Variants in KCTD5 observed in about 807,000 individuals in gnomAD.
KCTD5 encodes potassium channel tetramerization domain containing 5.
In KCTD5, 12 loss-of-function variants were observed where a neutral mutation model predicts 27.9. That is an observed-to-expected ratio of 0.43 (90% confidence interval 0.28 to 0.70). KCTD5 has a LOEUF of 0.70. Ranked by LOEUF, KCTD5 falls within the 30% of genes least tolerant of loss-of-function variation. The pLI is 0.19. For synonymous variants in KCTD5, 147 were observed against 121.4 expected (o/e 1.21, Z -1.39); for missense variants, 226 against 274.8 (o/e 0.82, Z 1.26).
chr16:2,697,811 TGCAGGG>T, intron 2 of KCTD5, 89 bp from the exon 3 acceptor site: 1 of 871,462 alleles, frequency 1.1e-6, no homozygotes, highest in Non-Finnish European at 1.9e-6. Flanking sequence ...GGGCCCTCAT[TGCAGGG>T]GCAGGGGCAA....
In KCTD5 at chr16:2,702,445, C is replaced by A. The variant is rs755043258; in HGVS notation, c.642C>A (p.Tyr214Ter). ...VVSKELHNTP[Y>*]GTASEPSEKA... is the part of the protein sequence containing the mutation. Reference sequence around the variant, plus strand: ...CCAAGGAGCTGCACAACACCCCGTACGGTACGGCCAGCGAGCCCAGCGAGA... The same window carrying A: ...CCAAGGAGCTGCACAACACCCCGTAAGGTACGGCCAGCGAGCCCAGCGAGA... The change falls in exon 5 of 6, where the codon TAC becomes TAA. Residue 214 changes from tyrosine (Y) to a stop codon, truncating the protein, a stop_gained. Transcript: ENST00000301738. LOFTEE classifies it high-confidence loss of function. The A allele has an allele frequency of 6.2e-7, 1 of 1,613,300 alleles. No homozygotes were observed. Among genetic ancestry groups the A allele is most frequent in the South Asian group, 1.1e-5 (1 of 91,084 alleles).
At chr16:2,703,887 G>A (rs2067623354) in intron 5 of KCTD5, among the ~76,000 whole-genome samples, 1 of 152,190 alleles carries the variant, frequency 6.6e-6, no homozygotes, top group African/African-American at 2.4e-5. Context: ...GCGACCCCTG[G>A]CTCCCTGAGA....
chr16:2,689,759 C>T (rs1011779374), intron 1 of KCTD5, among the ~76,000 whole-genome samples: 2 of 151,772 alleles, frequency 1.3e-5, no homozygotes, highest in African/African-American at 4.8e-5. Context: ...CTCACTGCAA[C>T]GGGGCTGTCA....
At chr16:2,692,131 T>C (rs939281868) in intron 1 of KCTD5, among the ~76,000 whole-genome samples, 5 of 152,150 alleles carry the variant, frequency 3.3e-5, no homozygotes, top group South Asian at 2.1e-4. Context: ...GTGCCATGGC[T>C]CCGGCTGGTA....
chr16:2,682,848 G>T (rs1203364124), intron 1 of KCTD5, 48 bp downstream of exon 1: 1 of 1,532,460 alleles, frequency 6.5e-7, no homozygotes, highest in Non-Finnish European at 8.7e-7. Flanking sequence ...TTCCCGGCCT[G>T]CGGCTCCTGC....
intron 1 of KCTD5, among the ~76,000 whole-genome samples, chr16:2,691,842 C>T (rs1407921327): frequency 1.3e-5 from 2 of 152,214 alleles, no homozygotes; most frequent in African/African-American, 2.4e-5. Context: ...CGTGGGGTCC[C>T]CCGCGGTGCC....
intron 5 of KCTD5, among the ~76,000 whole-genome samples, chr16:2,703,457 G>T (rs1422919023): frequency 6.6e-6 from 1 of 152,168 alleles, no homozygotes; most frequent in Non-Finnish European, 1.5e-5. Context: ...GCCAGAACCG[G>T]AAGGCTTTTA....
At chr16:2,702,221 C>T in intron 4 of KCTD5, 132 bp from the exon 5 acceptor site, 2 of 1,160,620 alleles carry the variant, frequency 1.7e-6, no homozygotes, top group South Asian at 1.4e-5. Flanking sequence ...TGTTTTCCAT[C>T]CATTTCCTGA....
intron 4 of KCTD5, among the ~76,000 whole-genome samples, chr16:2,701,563 A>G (rs2067612201): frequency 6.6e-6 from 1 of 152,142 alleles, no homozygotes; most frequent in African/African-American, 2.4e-5. Context: ...ACTGCTGCCC[A>G]CTGGGTCAGC....
intron 1 of KCTD5, among the ~76,000 whole-genome samples, chr16:2,689,660 A>G (rs1449831122): frequency 1.3e-5 from 2 of 148,762 alleles, no homozygotes; most frequent in African/African-American, 4.9e-5. Flanking sequence ...CTCCACCCTC[A>G]TTCCTCACTG....
chr16:2,703,124 C>T (rs772787825), intron 5 of KCTD5, among the ~76,000 whole-genome samples: 1 of 152,180 alleles, frequency 6.6e-6, no homozygotes. Flanking sequence ...ATGCAGGGAC[C>T]CCTGCCTCGT....
intron 1 of KCTD5, 118 bp downstream of exon 1, chr16:2,682,918 C>G: frequency 8.0e-7 from 1 of 1,254,328 alleles, no homozygotes; most frequent in Non-Finnish European, 1.0e-6. Flanking sequence ...CCTCGGGCTT[C>G]GAGCCCCGCG....
At chr16:2,704,589 G>C (rs562321939) in intron 5 of KCTD5, among the ~76,000 whole-genome samples, 1 of 152,368 alleles carries the variant, frequency 6.6e-6, no homozygotes, top group South Asian at 2.1e-4. Flanking sequence ...AGAGAGACAG[G>C]CTCAGATCAG....
chr16:2,687,962 A>ATC (rs906149867), intron 1 of KCTD5, among the ~76,000 whole-genome samples: 5 of 151,984 alleles, frequency 3.3e-5, no homozygotes, highest in Non-Finnish European at 5.9e-5. Flanking sequence ...GTGACAGAGC[A>ATC]TCTTCCTTGG....
chr16:2,692,509 C>T (rs886620758), intron 1 of KCTD5, among the ~76,000 whole-genome samples: 1 of 152,228 alleles, frequency 6.6e-6, no homozygotes, highest in Non-Finnish European at 1.5e-5. Context: ...GCTGGTCTTC[C>T]ACTTGCCAAT....
chr16:2,690,044 C>T (rs548216460), intron 1 of KCTD5, among the ~76,000 whole-genome samples: 7 of 152,276 alleles, frequency 4.6e-5, no homozygotes, highest in Non-Finnish European at 8.8e-5. Context: ...GGAACCCCCA[C>T]GTTGCCCCCG....
At position 2,703,803 on chromosome 16, in the gene KCTD5, A is replaced by T. The variant is rs1389891151; in HGVS notation, c.675+1325A>T. Among the ~76,000 whole-genome samples the T allele has an allele frequency of 3.9e-5, 6 of 152,028 alleles. No homozygotes were observed. The East Asian group carries it at 1.2e-3, about 29-fold the overall frequency. On this transcript the variant is annotated intron_variant, in intron 5 of 5. Transcript: ENST00000301738. ...AGGCTGGGGCAGGCCCTGGTGTGGG[A>T]CAGCCGGGGTGGAAGCTGGGGTTCC... is the stretch of plus-strand genomic sequence containing the variant.
chr16:2,696,642 G>C (rs1487671644), intron 2 of KCTD5, among the ~76,000 whole-genome samples: 1 of 152,166 alleles, frequency 6.6e-6, no homozygotes, highest in Non-Finnish European at 1.5e-5. Flanking sequence ...GAGGGTTTCT[G>C]GGCACCTGCG....
chr16:2,687,239 A>G (rs1360948023), intron 1 of KCTD5, among the ~76,000 whole-genome samples: 6 of 152,200 alleles, frequency 3.9e-5, no homozygotes, highest in Non-Finnish European at 8.8e-5. Flanking sequence ...GATGAAATGG[A>G]ACGTTTCTGA....
Sources: allele counts gnomAD v4.1 joint callset (sites outside exome capture counted in the v4.1 genomes callset), GRCh38; gene constraint gnomAD v4.1.1; transcripts MANE v1.5; gene names NCBI Gene and HGNC (gene_info 2026-07-23, HGNC 2026-07-21).